The following GRIA3 variants were observed in gnomAD, a reference collection of about 807,000 sequenced individuals.
GRIA3 encodes glutamate receptor 3.
In GRIA3, 3 loss-of-function variants were observed where a neutral mutation model predicts 63.0. That is an observed-to-expected ratio of 0.05 (90% CI 0.02 to 0.12). The LOEUF (loss-of-function observed/expected upper bound fraction) is 0.12, where lower values mean the gene tolerates loss of function less well. Ranked by LOEUF, GRIA3 falls within the 10% of genes least tolerant of loss-of-function variation. The pLI, the probability that GRIA3 is intolerant of heterozygous loss-of-function variation, is 1.00. For synonymous variants in GRIA3, 274 were observed against 257.9 expected (o/e 1.06, Z -0.60); for missense variants, 347 against 700.9 (o/e 0.50, Z 5.70).
chrX:123,335,318 C>A (rs1211252803), intron 4 of GRIA3, among the ~76,000 whole-genome samples: 5 of 111,445 alleles, frequency 4.5e-5, no homozygotes, highest in African/African-American at 1.6e-4. Context: ...TCTGGTTGAT[C>A]AAAGCTGTGC....
intron 5 of GRIA3, among the ~76,000 whole-genome samples, chrX:123,381,141 G>C (rs909879229): frequency 9.0e-6 from 1 of 111,508 alleles, no homozygotes; most frequent in African/African-American, 3.3e-5. Flanking sequence ...TTTTATGTTA[G>C]TGTCTTTAGG....
intron 5 of GRIA3, among the ~76,000 whole-genome samples, chrX:123,370,604 G>A (rs1254952277): frequency 2.7e-5 from 3 of 111,676 alleles, no homozygotes. Context: ...AGAGATTTCA[G>A]TGGGGCTTGG....
chrX:123,266,078 C>A (rs1322752497), intron 3 of GRIA3, among the ~76,000 whole-genome samples: 1 of 112,199 alleles, frequency 8.9e-6, no homozygotes, highest in African/African-American at 3.2e-5. Context: ...TAACCATTTG[C>A]AATTTCCAGG....
chrX:123,232,214 A>T (rs1288719220), intron 2 of GRIA3, among the ~76,000 whole-genome samples: 2 of 111,735 alleles, frequency 1.8e-5, no homozygotes, highest in Non-Finnish European at 3.8e-5. Flanking sequence ...TCCAGCTCTC[A>T]CTAGAAGTAC....
At chrX:123,242,008 A>G (rs1293974281) in intron 2 of GRIA3, among the ~76,000 whole-genome samples, 1 of 111,208 alleles carries the variant, frequency 9.0e-6, no homozygotes, top group Non-Finnish European at 1.9e-5. Context: ...CCCACCTGCC[A>G]ATTAAGCTAT....
At chrX:123,353,096 T>G (rs2045108936) in intron 4 of GRIA3, among the ~76,000 whole-genome samples, 1 of 107,611 alleles carries the variant, frequency 9.3e-6, no homozygotes, top group East Asian at 2.9e-4. Context: ...CTTGTTGAAA[T>G]GACTTGAGGG....
chrX:123,273,965 T>C (rs2044539018), intron 3 of GRIA3, among the ~76,000 whole-genome samples: 1 of 111,818 alleles, frequency 8.9e-6, no homozygotes, highest in Admixed American at 9.5e-5. Context: ...TACTCAAGGA[T>C]ACTGTATATG....
intron 4 of GRIA3, among the ~76,000 whole-genome samples, chrX:123,343,639 C>CAG (rs1230929050): frequency 9.3e-6 from 1 of 107,529 alleles, no homozygotes; most frequent in Non-Finnish European, 1.9e-5. Context: ...CATTCAGAGA[C>CAG]AGAGAGAGAG....
intron 3 of GRIA3, among the ~76,000 whole-genome samples, chrX:123,313,058 T>C (rs775677572): frequency 2.0e-5 from 2 of 97,770 alleles, no homozygotes; most frequent in African/African-American, 7.3e-5. Context: ...TCAGCCACTC[T>C]TTCTGGAACC....
intron 3 of GRIA3, among the ~76,000 whole-genome samples, chrX:123,288,983 A>G (rs57556637): frequency 0.022 from 2,439 of 112,107 alleles, 67 homozygotes; most frequent in African/African-American, 0.075. Context: ...TGTTTATTGC[A>G]GCACTATTCA....
rs773257212 is a variant in GRIA3 at position 123,482,780 on chromosome X, C to A, written c.2440-19C>A. ...CTTTGTTTTCCCCAAGATCTAATCA[C>A]GTTGTTCATTTCTCTTAGGACAAGA... On this transcript the variant is annotated intron_variant, in intron 14 of 15. Coordinates refer to ENST00000620443, the MANE Select transcript of GRIA3 (RefSeq NM_007325.5). 4 of 1,208,817 alleles carry A rather than the reference C, an allele frequency of 3.3e-6. No individual in the cohort carries two copies. The South Asian group carries it at 7.0e-5, about 21-fold the overall frequency.
intron 11 of GRIA3, among the ~76,000 whole-genome samples, chrX:123,424,154 T>C (rs2147398214): frequency 8.9e-6 from 1 of 112,349 alleles, no homozygotes; most frequent in East Asian, 2.8e-4. Context: ...AAACATTTTG[T>C]AGCTGCATTA....
At chrX:123,375,457 A>C (rs983507737) in intron 5 of GRIA3, among the ~76,000 whole-genome samples, 1 of 111,896 alleles carries the variant, frequency 8.9e-6, no homozygotes, top group African/African-American at 3.2e-5. Context: ...TTGGAGAATA[A>C]GTTTGTAAGT....
At chrX:123,253,258 A>G (rs1331970679) in intron 2 of GRIA3, 45 bp from the exon 3 acceptor site, 4 of 1,200,613 alleles carry the variant, frequency 3.3e-6, no homozygotes, top group Middle Eastern at 2.7e-4. Flanking sequence ...GTTGCAGCAA[A>G]GGACCATGGA....
chrX:123,355,024 C>T (rs1046264123), intron 5 of GRIA3, 61 bp downstream of exon 5: 11 of 872,809 alleles, frequency 1.3e-5, no homozygotes, highest in Non-Finnish European at 1.7e-5. Context: ...TTTCTGTAAT[C>T]ATCCAAAAAG....
chrX:123,373,930 G>A (rs142012287), intron 5 of GRIA3, among the ~76,000 whole-genome samples: 15 of 111,369 alleles, frequency 1.3e-4, no homozygotes, highest in Admixed American at 5.7e-4. Context: ...AGTCCTTGCC[G>A]ATGCCTATGT....
rs770905490 is a variant in GRIA3, at chrX:123,204,358, C to T, written c.268+18368C>T. Reference sequence around the variant, plus strand: ...AAGGTGACCCCATGATGTGGCTCATCCATTCATAGTGCTGAACAATATTTT... The same window carrying T: ...AAGGTGACCCCATGATGTGGCTCATTCATTCATAGTGCTGAACAATATTTT... On this transcript the variant is annotated intron_variant, in intron 2 of 15. Coordinates refer to ENST00000620443, the MANE Select transcript of GRIA3 (RefSeq NM_007325.5). The T allele has an allele frequency of 2.8e-6, 3 of 1,077,664 alleles. No individual in the cohort carries two copies. In the African/African-American group the frequency reaches 5.5e-5, roughly 20 times the overall value. The allele number at this position is 1,077,664 out of a possible 1,213,427, so 88.8% of individuals were successfully genotyped here. A position where few individuals can be genotyped will look rare whatever the true frequency, so the allele number is the denominator to read the frequency against.
At chrX:123,423,514 A>T (rs1308797846) in intron 11 of GRIA3, among the ~76,000 whole-genome samples, 2 of 112,297 alleles carry the variant, frequency 1.8e-5, no homozygotes, top group Admixed American at 9.5e-5. Context: ...TTTTTATTAC[A>T]ACTACTTCAT....
chrX:123,313,873 C>A (rs2044814390), intron 3 of GRIA3, among the ~76,000 whole-genome samples: 1 of 111,622 alleles, frequency 9.0e-6, no homozygotes, highest in South Asian at 3.8e-4. Flanking sequence ...AGTTCATCTT[C>A]TGCTGGAGAA....
Sources: gnomAD v4.1 joint callset for allele counts (sites outside exome capture counted in the v4.1 genomes callset) on GRCh38, gnomAD v4.1.1 for gene constraint, MANE v1.5 for transcripts, NCBI Gene and HGNC (gene_info 2026-07-23, HGNC 2026-07-21) for gene names.